PCBP3: variants seen among roughly 807,000 people sequenced by gnomAD.
PCBP3 encodes poly(rC)-binding protein 3.
Under a neutral mutation model 52.7 loss-of-function variants are expected in PCBP3, and 25 were observed. The ratio of observed to expected loss-of-function variants is 0.47; its 90% CI spans 0.35 to 0.66. The LOEUF is 0.66. PCBP3 is among the 30% of genes least tolerant of loss of function. The pLI is 0.01. For missense variants in PCBP3, 391 were observed against 490.3 expected (o/e 0.80, Z 1.91); for synonymous variants, 162 against 183.0 (o/e 0.89, Z 0.93).
At chr21:45,691,669 A>T (rs2082490961) in intron 2 of PCBP3, among the ~76,000 whole-genome samples, 1 of 152,066 alleles carries the variant, frequency 6.6e-6, no homozygotes, top group African/African-American at 2.4e-5. Flanking sequence ...AAATGATCAA[A>T]GCAATGAAGA....
At position 45,805,704 on chromosome 21, in the gene PCBP3, C is replaced by A. The variant is rs1241173884; in HGVS notation, c.-125-44257C>A. Reference sequence around the variant, plus strand: ...AGCCGTTGCTGCTGGCAGCTCATCCCTGCACCTGAGCTTGCAGGCATGCTC... The same window carrying A: ...AGCCGTTGCTGCTGGCAGCTCATCCATGCACCTGAGCTTGCAGGCATGCTC... On this transcript the variant is annotated intron_variant, in intron 4 of 17. Coordinates refer to ENST00000681687, the MANE Select transcript of PCBP3 (RefSeq NM_001384156.1). The surrounding 1 kb of genome is among the most constrained non-coding windows in gnomAD (Gnocchi z 4.6). Among the ~76,000 whole-genome samples the A allele has an allele frequency of 6.6e-6, 1 of 152,216 alleles. No individual in the cohort carries two copies. The highest frequency in any genetic ancestry group is 6.5e-5 in the Admixed American group (1 of 15,282).
At chr21:45,718,869 A>G (rs1427533625) in intron 2 of PCBP3, among the ~76,000 whole-genome samples, 4 of 152,224 alleles carry the variant, frequency 2.6e-5, no homozygotes, top group Non-Finnish European at 4.4e-5. Context: ...TTTTATGAAA[A>G]TTGATGAATG....
chr21:45,845,321 C>G (rs1202649693), intron 4 of PCBP3, among the ~76,000 whole-genome samples: 1 of 152,274 alleles, frequency 6.6e-6, no homozygotes, highest in African/African-American at 2.4e-5. Flanking sequence ...TCTGGTGAAG[C>G]TGAAACCATT....
intron 5 of PCBP3, among the ~76,000 whole-genome samples, chr21:45,892,512 G>A (rs1028148366): frequency 2.0e-5 from 3 of 150,906 alleles, no homozygotes; most frequent in Admixed American, 6.6e-5. Context: ...CGTGGAGGGC[G>A]CAGTCCCGTC....
At chr21:45,892,129 G>A (rs1359468493) in intron 5 of PCBP3, among the ~76,000 whole-genome samples, 5 of 152,298 alleles carry the variant, frequency 3.3e-5, no homozygotes, top group Admixed American at 6.5e-5. Flanking sequence ...AGGCAGAGGC[G>A]GAGGCTTTTA....
chr21:45,897,390 C>G (rs1357796113), intron 6 of PCBP3, among the ~76,000 whole-genome samples: 1 of 152,172 alleles, frequency 6.6e-6, no homozygotes, highest in Non-Finnish European at 1.5e-5. Context: ...TGTGGAGCAC[C>G]CATGCCTTGG....
intron 4 of PCBP3, chr21:45,763,087 C>T (rs914834446): frequency 1.3e-5 from 2 of 152,028 alleles, no homozygotes; most frequent in Non-Finnish European, 2.9e-5. Context: ...CTTAGAAGGC[C>T]GGACGTTTGG....
At chr21:45,882,229 T>G (rs1346782209) in intron 5 of PCBP3, among the ~76,000 whole-genome samples, 1 of 152,258 alleles carries the variant, frequency 6.6e-6, no homozygotes, top group East Asian at 1.9e-4. Context: ...CTAACAGGTA[T>G]GAGCCGATAT....
At chr21:45,849,042 T>C (rs79535784) in intron 4 of PCBP3, among the ~76,000 whole-genome samples, 3,342 of 152,228 alleles carry the variant, frequency 0.022, 138 homozygotes, top group African/African-American at 0.075. Flanking sequence ...TCAGCAAAAA[T>C]GTAGGTTCTT....
At chr21:45,747,955 T>A (rs2087054642) in intron 3 of PCBP3, 1 of 152,252 alleles carries the variant, frequency 6.6e-6, no homozygotes, top group African/African-American at 2.4e-5. Flanking sequence ...GATTGCAGCC[T>A]GGCACGGAGG....
At chr21:45,861,085 T>C (rs2094494232) in intron 5 of PCBP3, among the ~76,000 whole-genome samples, 1 of 152,160 alleles carries the variant, frequency 6.6e-6, no homozygotes, top group South Asian at 2.1e-4. Context: ...GGGCTGCTCC[T>C]TCCCAGTCAC....
chr21:45,923,978 T>G (rs2074907447), intron 13 of PCBP3, among the ~76,000 whole-genome samples: 1 of 92,462 alleles, frequency 1.1e-5, no homozygotes. Context: ...CCGGGAACAG[T>G]CGAGTGGATA....
intron 9 of PCBP3, among the ~76,000 whole-genome samples, chr21:45,902,154 C>G (rs1003281929): frequency 1.3e-5 from 2 of 152,162 alleles, no homozygotes; most frequent in African/African-American, 4.8e-5. Flanking sequence ...GAGGCCTTTT[C>G]CAGTGGGTCC....
chr21:45,691,462 GT>G (rs2082475121), intron 2 of PCBP3, among the ~76,000 whole-genome samples: 1 of 144,940 alleles, frequency 6.9e-6, no homozygotes, highest in Non-Finnish European at 1.5e-5. Context: ...ATGTATGTGT[GT>G]GTGTGTGTGT....
intron 4 of PCBP3, among the ~76,000 whole-genome samples, chr21:45,814,892 A>ATGAGTGGTGAG (rs1261314788): frequency 0.06 from 4,684 of 78,122 alleles, 359 homozygotes; most frequent in Middle Eastern, 0.11. Flanking sequence ...GTGGTGAGTG[A>ATGAGTGGTGAG]TGAGTGGTGA....
At chr21:45,806,107 G>A (rs2092489807) in intron 4 of PCBP3, among the ~76,000 whole-genome samples, 2 of 152,246 alleles carry the variant, frequency 1.3e-5, no homozygotes, top group Non-Finnish European at 2.9e-5. Context: ...CAGGTGTGAT[G>A]TGTCTGAGGA....
At chr21:45,651,721 G>A (rs1320407808) in intron 1 of PCBP3, among the ~76,000 whole-genome samples, 2 of 152,168 alleles carry the variant, frequency 1.3e-5, no homozygotes, top group Non-Finnish European at 1.5e-5. Context: ...ATCATTGTGC[G>A]TATCACTGAT....
chr21:45,912,174 G>T (rs2096408795), intron 11 of PCBP3, among the ~76,000 whole-genome samples: 1 of 152,238 alleles, frequency 6.6e-6, no homozygotes, highest in African/African-American at 2.4e-5. Flanking sequence ...CCCCAAGGCT[G>T]CCCATGCCCC....
intron 2 of PCBP3, among the ~76,000 whole-genome samples, chr21:45,703,512 G>A (rs1245897224): frequency 6.6e-6 from 1 of 152,164 alleles, no homozygotes; most frequent in Admixed American, 6.5e-5. Flanking sequence ...CCTTTTTCTG[G>A]GGTACAGTGG....
Sources: allele counts gnomAD v4.1 joint callset (sites outside exome capture counted in the v4.1 genomes callset), GRCh38; gene constraint gnomAD v4.1.1; non-coding constraint Gnocchi (gnomAD v3.1); transcripts MANE v1.5; gene names NCBI Gene and HGNC (gene_info 2026-07-23, HGNC 2026-07-21).